Variants in C1orf35 observed in about 807,000 individuals in gnomAD.
C1orf35 encodes the protein chromosome 1 open reading frame 35.
In C1orf35, 36 loss-of-function variants were observed where a neutral mutation model predicts 30.9. The observed-to-expected ratio is 1.16, with a 90% CI of 0.89 to 1.54. The LOEUF is 1.54. C1orf35 is among the 40% of genes most tolerant of loss of function. The probability of loss-of-function intolerance (pLI) is 0.00; values close to 1 mark genes in which losing one functional copy is unlikely to be tolerated. For synonymous variants in C1orf35, 179 were observed against 148.2 expected (o/e 1.21, Z -1.51); for missense variants, 396 against 358.7 (o/e 1.10, Z -0.84).
chr1:228,102,801 G>GCGGGCC, intron 2 of C1orf35, 98 bp downstream of exon 2: 150 of 1,373,624 alleles, frequency 1.1e-4, no homozygotes, highest in Non-Finnish European at 1.3e-4. Context: ...CCGCAGCCCC[G>GCGGGCC]CTCCCGCCCA....
At chr1:228,101,820 G>T in intron 6 of C1orf35, 1 of 1,413,750 alleles carries the variant, frequency 7.1e-7, no homozygotes, top group Non-Finnish European at 9.2e-7. Flanking sequence ...GCAGGAAAAG[G>T]CCCCGCCCCA....
At chr1:228,101,800 GCCAC>G in intron 6 of C1orf35, 1 of 1,411,284 alleles carries the variant, frequency 7.1e-7, no homozygotes, top group Admixed American at 3.0e-5. Context: ...CCCTGGAGGT[GCCAC>G]CCACGGCAGG....
rs2033000811 is a variant in C1orf35 at position 228,102,563 on chromosome 1, G to A, written c.292-3C>T. 6.4e-7 allele frequency: 1 copy of A among 1,565,584 alleles called. No individual in the cohort carries two copies. Among genetic ancestry groups the A allele is most frequent in the Non-Finnish European group, 8.6e-7 (1 of 1,158,742 alleles). Reference sequence around the variant, plus strand: ...CGCTTGCAGACCTCCGCGAAGTCCTGCAGGTGCGAGAGCACAGGGAGCGCT... The same window carrying A: ...CGCTTGCAGACCTCCGCGAAGTCCTACAGGTGCGAGAGCACAGGGAGCGCT... On this transcript the variant is annotated splice_region_variant and splice_polypyrimidine_tract_variant and intron_variant, in intron 3 of 7. Coordinates refer to ENST00000272139, the MANE Select transcript of C1orf35 (RefSeq NM_024319.4).
chr1:228,101,262 G>C lies in C1orf35; in HGVS notation c.669-8C>G, dbSNP rs531067914. On this transcript the variant is annotated splice_region_variant and splice_polypyrimidine_tract_variant and intron_variant, in intron 7 of 7. Coordinates refer to ENST00000272139, the MANE Select transcript of C1orf35 (RefSeq NM_024319.4). ...TGGTGGTGGTGCCTGGGCCTGGGGA[G>C]ACCAATGGCAGTCAGTCACTCGGAA... 1.5e-4 allele frequency: 248 copies of C among 1,614,176 alleles called. 7 individuals carry two copies. In the South Asian group the frequency reaches 2.6e-3, roughly 17 times the overall value.
chr1:228,103,095 G>A (rs768387677), intron 1 of C1orf35, 39 bp downstream of exon 1: 7 of 1,602,434 alleles, frequency 4.4e-6, no homozygotes, highest in African/African-American at 4.0e-5. Context: ...CGGGATCCCG[G>A]AGCCCGGAGC....
chr1:228,102,243 G>T, intron 5 of C1orf35, 67 bp downstream of exon 5: 1 of 1,576,086 alleles, frequency 6.3e-7, no homozygotes, highest in Non-Finnish European at 8.6e-7. Flanking sequence ...GGGGAGCTCC[G>T]TTCAGTGCCC....
chr1:228,102,576 C>G lies in C1orf35; in HGVS notation c.292-16G>C. On this transcript the variant is annotated splice_polypyrimidine_tract_variant and intron_variant, in intron 3 of 7. Transcript: ENST00000272139. ...CCGCGAAGTCCTGCAGGTGCGAGAG[C>G]ACAGGGAGCGCTCGAGTCGGCCCCA... 3.8e-6 allele frequency: 6 copies of G among 1,570,534 alleles called. No homozygotes were observed. Among genetic ancestry groups the G allele is most frequent in the Non-Finnish European group, 5.2e-6 (6 of 1,161,366 alleles).
chr1:228,102,709 G>A, intron 2 of C1orf35, 21 bp from the exon 3 acceptor site: 1 of 1,600,468 alleles, frequency 6.2e-7, no homozygotes, highest in Middle Eastern at 1.8e-4. Context: ...GCCGGGGCAG[G>A]CGTCAGGACG....
At chr1:228,102,856 G>A in intron 2 of C1orf35, 43 bp downstream of exon 2, 1 of 1,223,510 alleles carries the variant, frequency 8.2e-7, no homozygotes, top group Non-Finnish European at 1.0e-6. Flanking sequence ...TGCCCCGGCA[G>A]CGCCGTCCCA....
Position 228,102,062 on chromosome 1 carries a change from C to T in C1orf35, c.533+18G>A. On this transcript the variant is annotated intron_variant, in intron 6 of 7. Coordinates refer to ENST00000272139, the MANE Select transcript of C1orf35 (RefSeq NM_024319.4). ...CCCCCACCCCGGGGCACAGCTAGCC[C>T]AGGTGGCACAGCCTCACCTGCTTTC... is the stretch of plus-strand genomic sequence containing the variant. 1 of 1,537,594 alleles carries T rather than the reference C, an allele frequency of 6.5e-7. No homozygotes were observed. The highest frequency in any genetic ancestry group is 8.7e-7 in the Non-Finnish European group (1 of 1,147,604).
At position 228,100,973 on chromosome 1, in the gene C1orf35, A is replaced by C; in HGVS notation, c.*158T>G. ...CCAGGAAGCCGGCTGCTCCAGAGCT[A>C]GCTGTCAAGTCTTTAGCCCCACAGG... On this transcript the variant is annotated 3_prime_UTR_variant, in exon 8 of 8. Transcript: ENST00000272139. 9.2e-7 allele frequency: 1 copy of C among 1,088,608 alleles called. No individual in the cohort carries two copies. Among genetic ancestry groups the C allele is most frequent in the East Asian group, 2.4e-5 (1 of 41,072 alleles). The allele number at this position is 1,088,608 out of a possible 1,614,324, so 67.4% of individuals were successfully genotyped here.
In C1orf35 at chr1:228,102,903, C is replaced by A. The variant is rs1279027460; in HGVS notation, c.241G>T (p.Ala81Ser). Residue 81 changes from alanine (A) to serine (S), a missense_variant, in exon 2 of 8, where the codon GCC becomes TCC. Physicochemically the swap from Ala to Ser is moderately conservative, Grantham distance 99 (BLOSUM62 1). Coordinates refer to ENST00000272139, the MANE Select transcript of C1orf35 (RefSeq NM_024319.4). ...CTGCCGTCCGCGGACACTCACAGGG[C>A]GGCCAGCAGCGCCTCGCGCTCCGCC... is the stretch of plus-strand genomic sequence containing the variant. ...REAEREALLA[A>S]LGYKNVKKQP... 4.1e-6 allele frequency: 6 copies of A among 1,468,558 alleles called. No individual in the cohort carries two copies. The highest frequency in any genetic ancestry group is 1.3e-5 in the South Asian group (1 of 75,466). The allele number at this position is 1,468,558 out of a possible 1,614,324, so 91.0% of individuals were successfully genotyped here.
At position 228,103,062 on chromosome 1, in the gene C1orf35, A is replaced by G. The variant is rs2033019245; in HGVS notation, c.95-13T>C. On this transcript the variant is annotated splice_polypyrimidine_tract_variant and intron_variant, in intron 1 of 7. Transcript: ENST00000272139. ...ATCAGCGAGTTGCCTGCGGACGTAG[A>G]CGCTGTGAGTCCAGCGCCCGCCCGG... is the stretch of plus-strand genomic sequence containing the variant. 2.5e-6 allele frequency: 4 copies of G among 1,603,516 alleles called. No individual in the cohort carries two copies. The highest frequency in any genetic ancestry group is 3.4e-6 in the Non-Finnish European group (4 of 1,176,076).
rs2124863261 is a variant in C1orf35 at position 228,101,015 on chromosome 1, C to T, written c.*116G>A. 6.7e-7 allele frequency: 1 copy of T among 1,488,642 alleles called. No homozygotes were observed. The highest frequency in any genetic ancestry group is 2.3e-5 in the East Asian group (1 of 43,964). The allele number at this position is 1,488,642 out of a possible 1,614,324, so 92.2% of individuals were successfully genotyped here. A position where few individuals can be genotyped will look rare whatever the true frequency, so the allele number is the denominator to read the frequency against. On this transcript the variant is annotated 3_prime_UTR_variant, in exon 8 of 8. Transcript: ENST00000272139. Reference sequence around the variant, plus strand: ...CCCCACAGGCTGGTGCCCAGAGCCACTTCCACAGGAGCAGCCTCGGGCTTC... The same window carrying T: ...CCCCACAGGCTGGTGCCCAGAGCCATTTCCACAGGAGCAGCCTCGGGCTTC...
chr1:228,102,462 G>A lies in C1orf35; in HGVS notation c.374+16C>T. Reference sequence around the variant, plus strand: ...ATCGAGCCCAGTGCTGCCCTCCCCTGGAAACCCGCCCGCACCTTGCGCTCC... The same window carrying A: ...ATCGAGCCCAGTGCTGCCCTCCCCTAGAAACCCGCCCGCACCTTGCGCTCC... On this transcript the variant is annotated intron_variant, in intron 4 of 7. Transcript: ENST00000272139. The A allele has an allele frequency of 1.3e-6, 2 of 1,564,480 alleles. No homozygotes were observed. The highest frequency in any genetic ancestry group is 8.6e-7 in the Non-Finnish European group (1 of 1,159,016).
At position 228,102,675 on chromosome 1, in the gene C1orf35, C is replaced by G. The variant is rs371615876; in HGVS notation, c.259G>C (p.Val87Leu). The change falls in exon 3 of 8, where the codon GTG (valine) becomes CTG (leucine). Residue 87 changes from valine to leucine, a missense_variant. Transcript: ENST00000272139. ...ALLAALGYKN[V>L]KKQPTGLSKE... is the part of the protein sequence containing the mutation. ...CTCAGGCCCGTGGGCTGCTTCTTCACGTTCTTGTAGCCACTGCGAGAGGGC... is the reference window on the plus strand; with the variant it reads ...CTCAGGCCCGTGGGCTGCTTCTTCAGGTTCTTGTAGCCACTGCGAGAGGGC... The G allele has an allele frequency of 1.2e-6, 2 of 1,608,984 alleles. No homozygotes were observed. Among genetic ancestry groups the G allele is most frequent in the African/African-American group, 1.3e-5 (1 of 74,872 alleles).
In C1orf35 at chr1:228,101,427, T is replaced by C. The variant is rs2032943436; in HGVS notation, c.580A>G (p.Lys194Glu). The C allele has an allele frequency of 4.3e-6, 7 of 1,613,224 alleles. No individual in the cohort carries two copies. In the East Asian group the frequency reaches 1.6e-4, roughly 36 times the overall value. ...KSKKEKKKKK[K>E]RKHKKEKKKK... ...TTCTTCTCTTTCTTGTGTTTCCTCTTTTTCTTTTTCTTCTTCTCCTTCTTG... is the reference window on the plus strand; with the variant it reads ...TTCTTCTCTTTCTTGTGTTTCCTCTCTTTCTTTTTCTTCTTCTCCTTCTTG... Residue 194 changes from lysine to glutamate, a missense_variant, in exon 7 of 8, where the codon AAG becomes GAG. Lys to Glu is a moderately conservative substitution (Grantham distance 56). Coordinates refer to ENST00000272139, the MANE Select transcript of C1orf35 (RefSeq NM_024319.4).
Position 228,102,957 on chromosome 1 carries a change from G to A in C1orf35, c.187C>T (p.Arg63Cys). ...KGRAPCAGPS[R>C]EEELAAVREA... ...CGCACGGCTGCCAGTTCCTCCTCGC[G>A]GCTCGGGCCCGCGCATGGCGCCCGG... Residue 63 changes from arginine (R) to cysteine (C), a missense_variant, in exon 2 of 8, where the codon CGC becomes TGC. Physicochemically the swap from Arg to Cys is radical, Grantham distance 180 (BLOSUM62 -3). Coordinates refer to ENST00000272139, the MANE Select transcript of C1orf35 (RefSeq NM_024319.4). 6.6e-7 allele frequency: 1 copy of A among 1,518,022 alleles called. No homozygotes were observed. Among genetic ancestry groups the A allele is most frequent in the Non-Finnish European group, 8.8e-7 (1 of 1,138,540 alleles). The allele number at this position is 1,518,022 out of a possible 1,614,324, so 94.0% of individuals were successfully genotyped here. A position where few individuals can be genotyped will look rare whatever the true frequency, so the allele number is the denominator to read the frequency against.
At chr1:228,101,939 G>A (rs915362980) in intron 6 of C1orf35, 141 bp downstream of exon 6, 12 of 1,426,100 alleles carry the variant, frequency 8.4e-6, no homozygotes, top group Admixed American at 5.9e-5. Flanking sequence ...AGGAGTAACT[G>A]GGACAGGAAG....
Sources: allele counts gnomAD v4.1 joint callset, GRCh38; gene constraint gnomAD v4.1.1; transcripts MANE v1.5; gene names NCBI Gene and HGNC (gene_info 2026-07-23, HGNC 2026-07-21).